The following ST8SIA5 variants were observed in gnomAD, a reference collection of about 807,000 sequenced individuals.
ST8SIA5 encodes ST8 alpha-N-acetyl-neuraminide alpha-2,8-sialyltransferase 5, also known as alpha-2,8-sialyltransferase 8E.
Under a neutral mutation model 40.2 loss-of-function variants are expected in ST8SIA5, and 24 were observed. The ratio of observed to expected loss-of-function variants is 0.60; its 90% CI spans 0.43 to 0.84. ST8SIA5 has a LOEUF of 0.84. Ranked by LOEUF, ST8SIA5 falls within the 40% of genes least tolerant of loss-of-function variation. The probability of loss-of-function intolerance (pLI) is 0.00; values close to 1 mark genes in which losing one functional copy is unlikely to be tolerated. For missense variants in ST8SIA5, 465 were observed against 498.5 expected (o/e 0.93, Z 0.64); for synonymous variants, 198 against 201.8 (o/e 0.98, Z 0.16).
At chr18:46,714,011 C>T (rs2039760381) in intron 1 of ST8SIA5, among the ~76,000 whole-genome samples, 1 of 152,164 alleles carries the variant, frequency 6.6e-6, no homozygotes, top group Non-Finnish European at 1.5e-5. Context: ...AGAGAGACTT[C>T]AGTGTTCTGT....
rs968337280 is a variant in ST8SIA5 at position 46,678,365 on chromosome 18, C to T, written c.*1677G>A. ...TTTGGCCAAGAACGGAGCCCTGGAT[C>T]AGGAGCCTGGAGGCCTGGGATAAAG... is the stretch of plus-strand genomic sequence containing the variant. On this transcript the variant is annotated 3_prime_UTR_variant, in exon 7 of 7. Coordinates refer to ENST00000315087, the MANE Select transcript of ST8SIA5 (RefSeq NM_013305.6). 1 of 152,712 alleles carries T rather than the reference C, an allele frequency of 6.5e-6. No individual in the cohort carries two copies. The highest frequency in any genetic ancestry group is 1.5e-5 in the Non-Finnish European group (1 of 68,438). The allele number at this position is 152,712 out of a possible 1,614,324, so 9.5% of individuals were successfully genotyped here. A position where few individuals can be genotyped will look rare whatever the true frequency, so the allele number is the denominator to read the frequency against.
chr18:46,692,859 C>T (rs184025406), intron 2 of ST8SIA5, among the ~76,000 whole-genome samples: 108 of 147,262 alleles, frequency 7.3e-4, no homozygotes, highest in Non-Finnish European at 1.3e-3. Flanking sequence ...AGGCCACCAT[C>T]CCCTCCCCAC....
chr18:46,735,112 C>T (rs564482541), intron 1 of ST8SIA5, among the ~76,000 whole-genome samples: 3 of 152,338 alleles, frequency 2.0e-5, no homozygotes, highest in Admixed American at 6.5e-5. Context: ...CCTGGAAAAT[C>T]GGACTCCAAG....
At chr18:46,729,468 G>T (rs1481428307) in intron 1 of ST8SIA5, among the ~76,000 whole-genome samples, 1 of 151,992 alleles carries the variant, frequency 6.6e-6, no homozygotes, top group African/African-American at 2.4e-5. Context: ...GAAAGAGGAA[G>T]AAACAGAGAG....
At chr18:46,721,464 A>G in intron 1 of ST8SIA5, 5 of 1,536,082 alleles carry the variant, frequency 3.3e-6, no homozygotes, top group Non-Finnish European at 3.5e-6. Context: ...ACCAAACTGG[A>G]GGCCTCTGGC....
At chr18:46,717,612 C>A (rs991415443) in intron 1 of ST8SIA5, among the ~76,000 whole-genome samples, 2 of 152,160 alleles carry the variant, frequency 1.3e-5, no homozygotes. Flanking sequence ...CAAATGTCAG[C>A]CTGCCCTACT....
At chr18:46,749,450 T>G (rs2144571842) in intron 1 of ST8SIA5, among the ~76,000 whole-genome samples, 2 of 152,298 alleles carry the variant, frequency 1.3e-5, no homozygotes, top group South Asian at 4.1e-4. Flanking sequence ...TTGAATATTA[T>G]GTCAAAGGTC....
chr18:46,692,073 G>A (rs371000899), intron 3 of ST8SIA5, 96 bp downstream of exon 3: 32 of 1,325,986 alleles, frequency 2.4e-5, no homozygotes, highest in South Asian at 4.8e-5. Context: ...GAAGATGCAC[G>A]CTGAGAGCTG....
chr18:46,751,123 A>C (rs1288187607), intron 1 of ST8SIA5, among the ~76,000 whole-genome samples: 1 of 152,174 alleles, frequency 6.6e-6, no homozygotes, highest in Non-Finnish European at 1.5e-5. Flanking sequence ...TACCCATTAA[A>C]AGATGACTCC....
chr18:46,721,806 G>A (rs1036447133), intron 1 of ST8SIA5, among the ~76,000 whole-genome samples: 3 of 152,184 alleles, frequency 2.0e-5, no homozygotes, highest in Admixed American at 2.0e-4. Context: ...CCTGCCTCCA[G>A]TTAAACCAAA....
Position 46,675,133 on chromosome 18 carries a change from T to C in ST8SIA5, c.*4909A>G, listed in dbSNP as rs2039332048. The C allele has an allele frequency of 6.6e-6, 1 of 152,134 alleles. No individual in the cohort carries two copies. The highest frequency in any genetic ancestry group is 2.4e-5 in the African/African-American group (1 of 41,416). The allele number at this position is 152,134 out of a possible 1,614,324, so 9.4% of individuals were successfully genotyped here. On this transcript the variant is annotated 3_prime_UTR_variant, in exon 7 of 7. Coordinates refer to ENST00000315087, the MANE Select transcript of ST8SIA5 (RefSeq NM_013305.6). ...AGGGAGGGAATGACTTAAAGGGATG[T>C]TTATGAGTTGGAATTGACAAGATAC... is the stretch of plus-strand genomic sequence containing the variant.
chr18:46,725,739 T>C (rs1202518662), intron 1 of ST8SIA5, among the ~76,000 whole-genome samples: 3 of 151,746 alleles, frequency 2.0e-5, no homozygotes, highest in Non-Finnish European at 4.4e-5. Context: ...TTAAATTCCA[T>C]TCCTGAGCTA....
intron 1 of ST8SIA5, among the ~76,000 whole-genome samples, chr18:46,745,313 C>T (rs945861043): frequency 1.1e-4 from 16 of 151,650 alleles, no homozygotes; most frequent in African/African-American, 2.7e-4. Flanking sequence ...ATTGATAGAC[C>T]GCTAGCAAAA....
In ST8SIA5 at chr18:46,680,016, T is replaced by C. The variant is rs774988557; in HGVS notation, c.*26A>G. On this transcript the variant is annotated 3_prime_UTR_variant, in exon 7 of 7. Coordinates refer to ENST00000315087, the MANE Select transcript of ST8SIA5 (RefSeq NM_013305.6). Reference sequence around the variant, plus strand: ...GGGACAGCAGGAGAGGGGGCGCCGCTTGCCGGGCAGCCTGGCTGGCAGCCA... The same window carrying C: ...GGGACAGCAGGAGAGGGGGCGCCGCCTGCCGGGCAGCCTGGCTGGCAGCCA... 1 of 1,580,094 alleles carries C rather than the reference T, an allele frequency of 6.3e-7. No individual in the cohort carries two copies. The highest frequency in any genetic ancestry group is 1.7e-5 in the Admixed American group (1 of 58,192).
chr18:46,677,119 T>G lies in ST8SIA5; in HGVS notation c.*2923A>C, dbSNP rs1351167453. On this transcript the variant is annotated 3_prime_UTR_variant, in exon 7 of 7. Coordinates refer to ENST00000315087, the MANE Select transcript of ST8SIA5 (RefSeq NM_013305.6). ...CGGCAGGGTTAGGGAGAGGCACCTA[T>G]AAGCACAGGCTGCTTCCCGGACGAT... is the stretch of plus-strand genomic sequence containing the variant. The G allele has an allele frequency of 1.3e-5, 2 of 152,272 alleles. No homozygotes were observed. Among genetic ancestry groups the G allele is most frequent in the Non-Finnish European group, 1.5e-5 (1 of 68,072 alleles). The allele number at this position is 152,272 out of a possible 1,614,324, so 9.4% of individuals were successfully genotyped here. A position where few individuals can be genotyped will look rare whatever the true frequency, so the allele number is the denominator to read the frequency against.
At chr18:46,707,348 G>A (rs939332193) in intron 1 of ST8SIA5, among the ~76,000 whole-genome samples, 1 of 152,184 alleles carries the variant, frequency 6.6e-6, no homozygotes, top group African/African-American at 2.4e-5. Flanking sequence ...CCAGCTGTGT[G>A]ACTTTGGGTA....
Position 46,679,278 on chromosome 18 carries a change from A to G in ST8SIA5, c.*764T>C, listed in dbSNP as rs2039361590. On this transcript the variant is annotated 3_prime_UTR_variant, in exon 7 of 7. Coordinates refer to ENST00000315087, the MANE Select transcript of ST8SIA5 (RefSeq NM_013305.6). ...GGTTTGGTTTATTTCCTTCTCATCA[A>G]AAGAGCTAACGCAGGATTGAACCTG... is the stretch of plus-strand genomic sequence containing the variant. The G allele has an allele frequency of 6.6e-6, 1 of 152,214 alleles. No individual in the cohort carries two copies. Among genetic ancestry groups the G allele is most frequent in the Non-Finnish European group, 1.5e-5 (1 of 68,050 alleles). The allele number at this position is 152,214 out of a possible 1,614,324, so 9.4% of individuals were successfully genotyped here.
chr18:46,718,658 G>T (rs2039819208), intron 1 of ST8SIA5, among the ~76,000 whole-genome samples: 2 of 151,928 alleles, frequency 1.3e-5, no homozygotes, highest in South Asian at 4.2e-4. Flanking sequence ...TGAGTCATTT[G>T]CTTCTTTGCC....
At position 46,680,190 on chromosome 18, in the gene ST8SIA5, G is replaced by A. The variant is rs770195915; in HGVS notation, c.983C>T (p.Pro328Leu). The A allele has an allele frequency of 1.2e-6, 2 of 1,614,220 alleles. No homozygotes were observed. The highest frequency in any genetic ancestry group is 4.5e-5 in the East Asian group (2 of 44,874). The part of the protein sequence containing the change: ...LFGFWAFPMN[P>L]SGLYITHHYY... Reference sequence around the variant, plus strand: ...GTGGTGAGTGATGTAGAGGCCCGAGGGGTTCATGGGGAAGGCCCAGAAGCC... The same window carrying A: ...GTGGTGAGTGATGTAGAGGCCCGAGAGGTTCATGGGGAAGGCCCAGAAGCC... The change falls in exon 7 of 7, where the codon CCC (proline) becomes CTC (leucine). Residue 328 changes from proline (P) to leucine (L), a missense_variant. Coordinates refer to ENST00000315087, the MANE Select transcript of ST8SIA5 (RefSeq NM_013305.6).
Sources: allele counts gnomAD v4.1 joint callset (sites outside exome capture counted in the v4.1 genomes callset), GRCh38; gene constraint gnomAD v4.1.1; transcripts MANE v1.5; gene names NCBI Gene and HGNC (gene_info 2026-07-23, HGNC 2026-07-21).